The following PCDHA12 variants were observed in gnomAD, a reference collection of about 807,000 sequenced individuals.
The protein encoded by PCDHA12 is protocadherin alpha 12.
Under a neutral mutation model 60.0 loss-of-function variants are expected in PCDHA12, and 44 were observed. The observed-to-expected ratio is 0.73, with a 90% CI of 0.58 to 0.94. The LOEUF is 0.94. Ranked by LOEUF, PCDHA12 falls within the 40% of genes least tolerant of loss-of-function variation. The pLI, the probability that PCDHA12 is intolerant of heterozygous loss-of-function variation, is 0.00. For synonymous variants in PCDHA12, 569 were observed against 553.0 expected (o/e 1.03, Z -0.40); for missense variants, 1,276 against 1,239.7 (o/e 1.03, Z -0.44).
At chr5:140,999,143 A>G (rs2097848811) in intron 3 of PCDHA12, among the ~76,000 whole-genome samples, 1 of 152,214 alleles carries the variant, frequency 6.6e-6, no homozygotes, top group Non-Finnish European at 1.5e-5. Context: ...CACAGCCGGA[A>G]GTCTTCAGTC....
chr5:140,996,659 T>C (rs2097736809), intron 3 of PCDHA12, among the ~76,000 whole-genome samples: 1 of 152,230 alleles, frequency 6.6e-6, no homozygotes, highest in Non-Finnish European at 1.5e-5. Context: ...GGGTGCAGGC[T>C]AGTTTTTGAA....
rs112292443 is a variant in PCDHA12 at position 140,899,661 on chromosome 5, C to T, written c.2367+21822C>T. Among the ~76,000 whole-genome samples the T allele has an allele frequency of 4.4e-3, 665 of 152,224 alleles. 7 individuals carry two copies. Among genetic ancestry groups the T allele is most frequent in the African/African-American group, 0.015 (620 of 41,530 alleles). ...ATTCTCTTATTTGGTTGTGTCTCTGCCCGGCTTTGGTATCAGGATGATGCT... is the reference window on the plus strand; with the variant it reads ...ATTCTCTTATTTGGTTGTGTCTCTGTCCGGCTTTGGTATCAGGATGATGCT... On this transcript the variant is annotated intron_variant, in intron 1 of 3. Transcript: ENST00000398631.
Position 140,875,992 on chromosome 5 carries a change from C to T in PCDHA12, c.520C>T (p.Leu174=). 1.2e-6 allele frequency: 2 copies of T among 1,613,870 alleles called. No homozygotes were observed. The highest frequency in any genetic ancestry group is 1.3e-5 in the African/African-American group (1 of 74,996). Residue 174 remains leucine (L), a synonymous_variant, in exon 1 of 4, where the codon CTA becomes TTA. Transcript: ENST00000398631. Reference sequence around the variant, plus strand: ...CTCTCTTTTGACCTATGCGTTAAGTCTAAATGAGAATTTTGAGCTTAAAAT... The same window carrying T: ...CTCTCTTTTGACCTATGCGTTAAGTTTAAATGAGAATTTTGAGCTTAAAAT... ...VNSLLTYALS[L]NENFELKIKT...
chr5:140,966,837 T>C, intron 1 of PCDHA12: 1 of 1,566,152 alleles, frequency 6.4e-7, no homozygotes. Context: ...CCCTGGCTGC[T>C]GCTACTGCCT....
intron 1 of PCDHA12, among the ~76,000 whole-genome samples, chr5:140,970,860 C>T (rs2096438853): frequency 6.6e-6 from 1 of 152,054 alleles, no homozygotes; most frequent in Non-Finnish European, 1.5e-5. Context: ...AAGTTCCATT[C>T]CTGATTGAGA....
intron 1 of PCDHA12, among the ~76,000 whole-genome samples, chr5:140,960,605 A>G (rs1405858302): frequency 6.6e-6 from 1 of 152,184 alleles, no homozygotes; most frequent in Non-Finnish European, 1.5e-5. Flanking sequence ...TACTTCAACA[A>G]TATCTAGTGT....
intron 1 of PCDHA12, among the ~76,000 whole-genome samples, chr5:140,898,530 T>A (rs1256781089): frequency 6.6e-6 from 1 of 152,228 alleles, no homozygotes; most frequent in African/African-American, 2.4e-5. Flanking sequence ...GAGGGCTCTG[T>A]TCTGTTCCAT....
At chr5:140,882,332 G>T (rs782439110) in intron 1 of PCDHA12, 20 of 1,614,060 alleles carry the variant, frequency 1.2e-5, no homozygotes, top group Non-Finnish European at 1.7e-5. Flanking sequence ...TCTGATCCTC[G>T]CAGCCTGGGA....
At chr5:140,973,342 A>ATAGTAATT (rs1437052159) in intron 1 of PCDHA12, among the ~76,000 whole-genome samples, 4 of 152,344 alleles carry the variant, frequency 2.6e-5, no homozygotes, top group Admixed American at 2.6e-4. Context: ...GTAAAGTGAC[A>ATAGTAATT]TAGTAGTGAA....
Position 141,010,110 on chromosome 5 carries a change from A to C in PCDHA12, c.*173A>C. On this transcript the variant is annotated 3_prime_UTR_variant, in exon 4 of 4. Coordinates refer to ENST00000398631, the MANE Select transcript of PCDHA12 (RefSeq NM_018903.4). ...GAACGCATTTAACAGGTTTTGTCGT[A>C]AAAGCTTTACTAAGTCTGGTGTTAA... 6.2e-7 allele frequency: 1 copy of C among 1,611,166 alleles called. No individual in the cohort carries two copies. The highest frequency in any genetic ancestry group is 8.5e-7 in the Non-Finnish European group (1 of 1,178,396).
At chr5:140,969,293 C>A in intron 1 of PCDHA12, 1 of 1,614,186 alleles carries the variant, frequency 6.2e-7, no homozygotes, top group Non-Finnish European at 8.5e-7. Flanking sequence ...TGCTGGGAAC[C>A]TGATTATTCT....
chr5:140,931,693 A>G (rs1001252056), intron 1 of PCDHA12, among the ~76,000 whole-genome samples: 1 of 152,004 alleles, frequency 6.6e-6, no homozygotes, highest in African/African-American at 2.4e-5. Context: ...ATTGTGATTC[A>G]TAAAACCATG....
chr5:140,957,281 T>A (rs1317654133), intron 1 of PCDHA12, among the ~76,000 whole-genome samples: 3 of 152,178 alleles, frequency 2.0e-5, no homozygotes, highest in Non-Finnish European at 2.9e-5. Flanking sequence ...CCCCCTTACC[T>A]GCAGTTTCAC....
At chr5:140,979,820 T>A (rs937223402) in intron 2 of PCDHA12, among the ~76,000 whole-genome samples, 19 of 152,198 alleles carry the variant, frequency 1.2e-4, no homozygotes, top group African/African-American at 4.6e-4. Context: ...AGGATTTAAT[T>A]TTAAAGAAGA....
At chr5:140,937,378 G>A (rs1248709474) in intron 1 of PCDHA12, among the ~76,000 whole-genome samples, 2 of 152,248 alleles carry the variant, frequency 1.3e-5, no homozygotes, top group East Asian at 1.9e-4. Context: ...GTTTATGTGT[G>A]TGTATGTGTA....
chr5:140,928,399 T>C (rs1554205848), intron 1 of PCDHA12: 1 of 1,613,926 alleles, frequency 6.2e-7, no homozygotes, highest in African/African-American at 1.3e-5. Flanking sequence ...AGTGGAATCA[T>C]CCAGTGGGGC....
intron 1 of PCDHA12, chr5:140,884,065 C>G (rs377441374): frequency 1.1e-5 from 17 of 1,613,346 alleles, no homozygotes; most frequent in Admixed American, 6.7e-5. Flanking sequence ...CGGTGGACGC[C>G]GATTCGGGCT....
At chr5:140,892,136 G>T (rs1441807118) in intron 1 of PCDHA12, among the ~76,000 whole-genome samples, 1 of 152,254 alleles carries the variant, frequency 6.6e-6, no homozygotes, top group East Asian at 1.9e-4. Flanking sequence ...TAAGCTCATG[G>T]TTTTAGCGTC....
At chr5:140,923,181 A>T (rs2081206798) in intron 1 of PCDHA12, among the ~76,000 whole-genome samples, 1 of 152,158 alleles carries the variant, frequency 6.6e-6, no homozygotes, top group Non-Finnish European at 1.5e-5. Flanking sequence ...GTTCAGATGC[A>T]TCTACTGCAG....
Sources: allele counts gnomAD v4.1 joint callset (sites outside exome capture counted in the v4.1 genomes callset), GRCh38; gene constraint gnomAD v4.1.1; transcripts MANE v1.5; gene names NCBI Gene and HGNC (gene_info 2026-07-23, HGNC 2026-07-21).